The following EMCN variants were observed in gnomAD, a reference collection of about 807,000 sequenced individuals.
EMCN encodes the protein MUC-14.
Under a neutral mutation model 38.4 loss-of-function variants are expected in EMCN, and 37 were observed. The observed-to-expected ratio is 0.96, with a 90% confidence interval of 0.74 to 1.27. EMCN has a LOEUF of 1.27. Ranked by LOEUF, EMCN falls within the 50% of genes most tolerant of loss-of-function variation. EMCN has a pLI of 0.00. For synonymous variants in EMCN, 95 were observed against 100.8 expected, an observed-to-expected ratio of 0.94 and a Z score of 0.35; for missense variants, 318 against 302.8, an observed-to-expected ratio of 1.05 and a Z score of -0.37.
At chr4:100,432,222 A>G (rs762076751) in intron 5 of EMCN, among the ~76,000 whole-genome samples, 2 of 152,116 alleles carry the variant, frequency 1.3e-5, no homozygotes, top group African/African-American at 2.4e-5. Context: ...CTGGCTGCCA[A>G]GGGGTCAATT....
intron 5 of EMCN, among the ~76,000 whole-genome samples, chr4:100,427,644 C>T (rs1727087703): frequency 6.6e-6 from 1 of 151,910 alleles, no homozygotes; most frequent in Admixed American, 6.6e-5. Flanking sequence ...GTCCTTGGTC[C>T]TCATCTCCAA....
chr4:100,498,703 A>G (rs943493693), intron 1 of EMCN, among the ~76,000 whole-genome samples: 6 of 152,116 alleles, frequency 3.9e-5, no homozygotes, highest in Non-Finnish European at 5.9e-5. Context: ...CGGCCTCCCA[A>G]AGTGCTGGGA....
chr4:100,444,399 T>C (rs1224692970), intron 5 of EMCN, among the ~76,000 whole-genome samples: 3 of 152,150 alleles, frequency 2.0e-5, no homozygotes, highest in Non-Finnish European at 4.4e-5. Flanking sequence ...TGCTGTCTTA[T>C]CTGTGGTGCC....
chr4:100,499,563 C>G (rs901311171), intron 1 of EMCN, among the ~76,000 whole-genome samples: 1 of 152,194 alleles, frequency 6.6e-6, no homozygotes, highest in Non-Finnish European at 1.5e-5. Context: ...AGAATTCAAA[C>G]ATTTCTCCAA....
rs1301074181 is a variant in EMCN, at chr4:100,415,908, A to C, written c.741T>G (p.Ser247=). 2 of 1,585,838 alleles carry C rather than the reference A, an allele frequency of 1.3e-6. No individual in the cohort carries two copies. Among genetic ancestry groups the C allele is most frequent in the Non-Finnish European group, 1.7e-6 (2 of 1,168,472 alleles). ...SVKLLTVKTI[S]HESGEHSAQG... is the part of the protein sequence containing the mutation. ...TGTCTGGAAACTTACCAGACTCATG[A>C]GAAATTGTCTTAACGGTAAGAAGCT... Residue 247 remains serine (S), a synonymous_variant, in exon 10 of 12, where the codon TCT becomes TCG. Transcript: ENST00000296420.
At chr4:100,430,541 G>A (rs760088399) in intron 5 of EMCN, among the ~76,000 whole-genome samples, 22 of 152,222 alleles carry the variant, frequency 1.4e-4, no homozygotes, top group East Asian at 3.9e-4. Context: ...TAAATAAAGC[G>A]TGTCGTAGAG....
intron 5 of EMCN, among the ~76,000 whole-genome samples, chr4:100,443,670 A>T (rs1727585910): frequency 6.6e-6 from 1 of 152,144 alleles, no homozygotes; most frequent in African/African-American, 2.4e-5. Flanking sequence ...GTCTTGTGAG[A>T]CTACTGTAGC....
intron 10 of EMCN, among the ~76,000 whole-genome samples, chr4:100,410,696 G>T (rs1006782233): frequency 6.6e-6 from 1 of 152,172 alleles, no homozygotes; most frequent in African/African-American, 2.4e-5. Flanking sequence ...AGCTGGCTGT[G>T]CCTAAGCAAG....
chr4:100,424,970 C>T (rs1470246761), intron 5 of EMCN, among the ~76,000 whole-genome samples: 2 of 152,018 alleles, frequency 1.3e-5, no homozygotes, highest in African/African-American at 2.4e-5. Context: ...CCCAACTTCC[C>T]TGCTTAAAAC....
intron 1 of EMCN, chr4:100,487,169 T>A: frequency 3.4e-6 from 1 of 292,050 alleles, no homozygotes; most frequent in Non-Finnish European, 5.1e-6. Context: ...TCTCTGAATC[T>A]AGAAAGGAAC....
At chr4:100,459,016 G>GAA (rs144926152) in intron 4 of EMCN, among the ~76,000 whole-genome samples, 2 of 150,852 alleles carry the variant, frequency 1.3e-5, no homozygotes, top group African/African-American at 4.9e-5. Flanking sequence ...AAATCCACAT[G>GAA]AAAAAAAAAT....
rs546187512 is a variant in EMCN at position 100,439,442 on chromosome 4, G to A, written c.415+8091C>T. Among the ~76,000 whole-genome samples, 15 of 151,194 alleles carry A rather than the reference G, an allele frequency of 9.9e-5. 2 individuals are homozygous for A. Among genetic ancestry groups the A allele is most frequent in the South Asian group, 8.3e-4 (4 of 4,802 alleles). On this transcript the variant is annotated intron_variant, in intron 5 of 11. Coordinates refer to ENST00000296420, the MANE Select transcript of EMCN (RefSeq NM_016242.4). Reference sequence around the variant, plus strand: ...TCCAGTCGTTGGCATATATTTTTTCGTAGTAGTCTTAACGATCCTTTTAAT... The same window carrying A: ...TCCAGTCGTTGGCATATATTTTTTCATAGTAGTCTTAACGATCCTTTTAAT...
At chr4:100,497,514 C>G (rs1188155256) in intron 1 of EMCN, among the ~76,000 whole-genome samples, 1 of 151,978 alleles carries the variant, frequency 6.6e-6, no homozygotes, top group African/African-American at 2.4e-5. Flanking sequence ...GTAGTTGGGA[C>G]TACAGGCACC....
intron 3 of EMCN, among the ~76,000 whole-genome samples, chr4:100,469,957 C>G (rs1008625709): frequency 6.6e-5 from 10 of 151,744 alleles, no homozygotes; most frequent in Non-Finnish European, 1.3e-4. Context: ...GTTTAATAGA[C>G]AATACCATTT....
At chr4:100,475,704 A>C (rs1361282450) in intron 2 of EMCN, among the ~76,000 whole-genome samples, 1 of 107,552 alleles carries the variant, frequency 9.3e-6, no homozygotes, top group Non-Finnish European at 1.7e-5. Flanking sequence ...TGGAGACAGA[A>C]TCTCGCTCTG....
At chr4:100,452,668 A>G (rs1315005611) in intron 4 of EMCN, among the ~76,000 whole-genome samples, 1 of 152,052 alleles carries the variant, frequency 6.6e-6, no homozygotes, top group Non-Finnish European at 1.5e-5. Flanking sequence ...ACCAGCAAGA[A>G]ATGCGTATGT....
At chr4:100,494,475 G>A (rs899657658) in intron 1 of EMCN, among the ~76,000 whole-genome samples, 3 of 152,084 alleles carry the variant, frequency 2.0e-5, no homozygotes, top group Admixed American at 2.0e-4. Flanking sequence ...TTAAAAAGAA[G>A]GAGATCAAGA....
In EMCN at chr4:100,505,693, C is replaced by T. The variant is rs144115554; in HGVS notation, c.64+12158G>A. ...CCCAGACTGTGAGCACAGCTTACGG[C>T]GCCACATCAAGTAATGTCTTTCATT... On this transcript the variant is annotated intron_variant, in intron 1 of 11. Transcript: ENST00000296420. Among the ~76,000 whole-genome samples, 31 of 152,198 alleles carry T rather than the reference C, an allele frequency of 2.0e-4. No homozygotes were observed. The East Asian group carries it at 2.7e-3, about 13-fold the overall frequency.
At chr4:100,510,604 C>A (rs779436297) in intron 1 of EMCN, among the ~76,000 whole-genome samples, 4 of 152,108 alleles carry the variant, frequency 2.6e-5, no homozygotes, top group Non-Finnish European at 5.9e-5. Context: ...TGCATATTAC[C>A]TTGTGTGATT....
Sources: gnomAD v4.1 joint callset for allele counts (sites outside exome capture counted in the v4.1 genomes callset) on GRCh38, gnomAD v4.1.1 for gene constraint, MANE v1.5 for transcripts, NCBI Gene and HGNC (gene_info 2026-07-23, HGNC 2026-07-21) for gene names.